The following IL1RAPL2 variants were observed in gnomAD, a reference collection of about 807,000 sequenced individuals.
IL1RAPL2 encodes X-linked interleukin-1 receptor accessory protein-like 2.
Under a neutral mutation model 44.1 loss-of-function variants are expected in IL1RAPL2, and 3 were observed. The observed-to-expected ratio is 0.07, with a 90% CI of 0.03 to 0.18. The LOEUF is 0.18. IL1RAPL2 is among the 10% of genes least tolerant of loss of function. The probability of loss-of-function intolerance (pLI) is 1.00; values close to 1 mark genes in which losing one functional copy is unlikely to be tolerated. For synonymous variants in IL1RAPL2, 181 were observed against 178.8 expected (o/e 1.01, Z -0.10); for missense variants, 391 against 496.4 (o/e 0.79, Z 2.02).
intron 2 of IL1RAPL2, among the ~76,000 whole-genome samples, chrX:105,036,971 C>G (rs5916853): frequency 1.8e-5 from 2 of 110,933 alleles, no homozygotes; most frequent in African/African-American, 6.5e-5. Context: ...TCTATCTTAG[C>G]TGACAAGTTA....
At chrX:105,758,752 T>C (rs1485858051) in intron 10 of IL1RAPL2, among the ~76,000 whole-genome samples, 1 of 111,989 alleles carries the variant, frequency 8.9e-6, no homozygotes, top group Non-Finnish European at 1.9e-5. Context: ...TGGTCTGTCT[T>C]TTCCCAGACT....
chrX:105,398,176 C>T (rs995827052), intron 5 of IL1RAPL2, among the ~76,000 whole-genome samples: 3 of 110,523 alleles, frequency 2.7e-5, no homozygotes, highest in African/African-American at 9.9e-5. Flanking sequence ...TTTTGGCAGG[C>T]CCCTTCTTAA....
intron 2 of IL1RAPL2, among the ~76,000 whole-genome samples, chrX:104,665,861 A>C (rs1168354066): frequency 3.6e-5 from 4 of 111,454 alleles, no homozygotes; most frequent in African/African-American, 1.3e-4. Context: ...GGAGTGCCCT[A>C]TTACATAGAT....
chrX:105,123,726 A>G (rs186955472), intron 2 of IL1RAPL2, among the ~76,000 whole-genome samples: 26 of 111,283 alleles, frequency 2.3e-4, no homozygotes, highest in African/African-American at 8.4e-4. Context: ...TAAATATTCA[A>G]AGCTGTATGT....
At chrX:105,505,690 TATC>T (rs1209021962) in intron 6 of IL1RAPL2, among the ~76,000 whole-genome samples, 4 of 111,637 alleles carry the variant, frequency 3.6e-5, no homozygotes, top group African/African-American at 9.8e-5. Flanking sequence ...GGAGTAGTCT[TATC>T]ATGCCAAACA....
At chrX:105,077,860 G>T (rs2032334509) in intron 2 of IL1RAPL2, among the ~76,000 whole-genome samples, 2 of 111,904 alleles carry the variant, frequency 1.8e-5, no homozygotes. Context: ...CATTCATCGT[G>T]TAGTTCTCGT....
Position 104,719,249 on chromosome X carries a change from G to A in IL1RAPL2, c.82+60254G>A, listed in dbSNP as rs1931633547. The stretch of plus-strand genomic sequence containing the variant: ...AAGATGCTCTTGATCACAAGGAATA[G>A]AAAAAAATTCAAACTGGCTTATGCA... On this transcript the variant is annotated intron_variant, in intron 2 of 10. Coordinates refer to ENST00000372582, the MANE Select transcript of IL1RAPL2 (RefSeq NM_017416.2). 3.6e-5 allele frequency among the ~76,000 whole-genome samples: 4 copies of A among 112,021 alleles called. No individual in the cohort carries two copies. The South Asian group carries it at 1.5e-3, about 41-fold the overall frequency.
chrX:105,626,717 C>T (rs960620979), intron 6 of IL1RAPL2, among the ~76,000 whole-genome samples: 5 of 110,967 alleles, frequency 4.5e-5, no homozygotes, highest in Admixed American at 9.6e-5. Context: ...TAGTGTACAT[C>T]GTAAAAAGGT....
intron 2 of IL1RAPL2, among the ~76,000 whole-genome samples, chrX:104,827,371 C>T (rs1921482988): frequency 9.0e-6 from 1 of 111,088 alleles, no homozygotes; most frequent in Non-Finnish European, 1.9e-5. Context: ...GTTTATTTCT[C>T]CTTCCCTTAT....
At chrX:104,730,390 A>T in intron 2 of IL1RAPL2, among the ~76,000 whole-genome samples, 1 of 60,124 alleles carries the variant, frequency 1.7e-5, no homozygotes, top group Non-Finnish European at 3.3e-5. Context: ...ACCCCAGAAC[A>T]GTCCCCAGAG....
intron 10 of IL1RAPL2, among the ~76,000 whole-genome samples, chrX:105,761,036 G>A (rs950193301): frequency 6.4e-5 from 7 of 109,357 alleles, no homozygotes; most frequent in Non-Finnish European, 7.6e-5. Flanking sequence ...AAAACTAACT[G>A]GGCGTGGTGG....
At chrX:105,753,027 G>T (rs1276807221) in intron 9 of IL1RAPL2, 1 of 328,621 alleles carries the variant, frequency 3.0e-6, no homozygotes, top group Admixed American at 3.1e-5. Flanking sequence ...TACGTACCAA[G>T]GACATGCATG....
At chrX:104,994,178 T>A (rs998822217) in intron 2 of IL1RAPL2, among the ~76,000 whole-genome samples, 4 of 111,619 alleles carry the variant, frequency 3.6e-5, no homozygotes, top group Non-Finnish European at 5.7e-5. Context: ...ATTCGTACAA[T>A]AGAATAGCAC....
intron 2 of IL1RAPL2, among the ~76,000 whole-genome samples, chrX:105,126,091 C>A (rs903050374): frequency 1.4e-4 from 15 of 110,755 alleles, no homozygotes; most frequent in Admixed American, 3.8e-4. Flanking sequence ...TATCTCATTG[C>A]TGAGAAGTTC....
chrX:105,395,516 C>A (rs1181459361), intron 5 of IL1RAPL2, among the ~76,000 whole-genome samples: 1 of 110,244 alleles, frequency 9.1e-6, no homozygotes, highest in Non-Finnish European at 1.9e-5. Context: ...ATGTATAGAG[C>A]CCTGGAAAAG....
intron 4 of IL1RAPL2, among the ~76,000 whole-genome samples, chrX:105,242,158 C>T (rs1357584985): frequency 9.0e-6 from 1 of 111,621 alleles, no homozygotes; most frequent in Non-Finnish European, 1.9e-5. Context: ...GGCTCTAAAG[C>T]AGGTAAGTCT....
At chrX:105,326,392 C>G (rs2034938780) in intron 5 of IL1RAPL2, among the ~76,000 whole-genome samples, 1 of 110,715 alleles carries the variant, frequency 9.0e-6, no homozygotes, top group African/African-American at 3.3e-5. Flanking sequence ...TTTCGAAGCA[C>G]AACAATTTTT....
At chrX:105,080,268 G>C (rs1211420528) in intron 2 of IL1RAPL2, among the ~76,000 whole-genome samples, 1 of 111,570 alleles carries the variant, frequency 9.0e-6, no homozygotes, top group East Asian at 2.8e-4. Flanking sequence ...CATTGAATTT[G>C]GTCTTTTAGT....
intron 2 of IL1RAPL2, among the ~76,000 whole-genome samples, chrX:105,104,751 A>C (rs1186214032): frequency 4.5e-5 from 5 of 112,187 alleles, no homozygotes; most frequent in African/African-American, 1.6e-4. Context: ...CCTGGAATTC[A>C]CATCCCAGTG....
Sources: gnomAD v4.1 joint callset for allele counts (sites outside exome capture counted in the v4.1 genomes callset) on GRCh38, gnomAD v4.1.1 for gene constraint, MANE v1.5 for transcripts, NCBI Gene and HGNC (gene_info 2026-07-23, HGNC 2026-07-21) for gene names.